ANO3: variants seen among roughly 807,000 people sequenced by gnomAD.
ANO3 encodes the protein anoctamin 3, also known as anoctamin-3.
ANO3 carries 99 observed loss-of-function variants against 144.8 expected under a neutral mutation model. That is an observed-to-expected ratio of 0.68 (90% CI 0.58 to 0.81). ANO3 has a LOEUF of 0.81. Ranked by LOEUF, ANO3 falls within the 30% of genes least tolerant of loss-of-function variation. The probability of loss-of-function intolerance (pLI) is 0.00; values close to 1 mark genes in which losing one functional copy is unlikely to be tolerated. For synonymous variants in ANO3, 414 were observed against 392.6 expected, an observed-to-expected ratio of 1.05 and a Z score of -0.64; for missense variants, 905 against 1,202.2, an observed-to-expected ratio of 0.75 and a Z score of 3.66.
intron 1 of ANO3, among the ~76,000 whole-genome samples, chr11:26,290,176 A>C (rs1853922616): frequency 6.6e-6 from 1 of 152,128 alleles, no homozygotes; most frequent in South Asian, 2.1e-4. Flanking sequence ...CATTTCTTCT[A>C]GATTTTCTAG....
chr11:26,425,756 G>A (rs1375882272), intron 1 of ANO3, among the ~76,000 whole-genome samples: 1 of 152,088 alleles, frequency 6.6e-6, no homozygotes, highest in Non-Finnish European at 1.5e-5. Context: ...GAGGGTGGTG[G>A]AAGTAAATGT....
chr11:26,633,974 A>G (rs1852867002), intron 18 of ANO3, among the ~76,000 whole-genome samples: 1 of 150,524 alleles, frequency 6.6e-6, no homozygotes, highest in Non-Finnish European at 1.5e-5. Flanking sequence ...GCTACTTGGG[A>G]GGCTGAGCCA....
At chr11:26,241,020 G>C (rs1036199654) in intron 1 of ANO3, among the ~76,000 whole-genome samples, 2 of 152,092 alleles carry the variant, frequency 1.3e-5, no homozygotes, top group Non-Finnish European at 2.9e-5. Context: ...AACCCGGTGG[G>C]AGGTAACTGA....
intron 1 of ANO3, among the ~76,000 whole-genome samples, chr11:26,283,397 A>C (rs1472733962): frequency 7.2e-6 from 1 of 139,174 alleles, no homozygotes; most frequent in Non-Finnish European, 1.5e-5. Flanking sequence ...TAGAAGGTCC[A>C]GGGGAAACGA....
intron 1 of ANO3, among the ~76,000 whole-genome samples, chr11:26,264,132 G>T (rs1304339855): frequency 6.6e-6 from 1 of 152,164 alleles, no homozygotes; most frequent in South Asian, 2.1e-4. Context: ...GGTAAGAATA[G>T]ATTTCCTGGA....
intron 1 of ANO3, among the ~76,000 whole-genome samples, chr11:26,376,465 T>G (rs12806876): frequency 0.12 from 18,782 of 152,144 alleles, 1,305 homozygotes; most frequent in Admixed American, 0.19. Context: ...TCTGAAAAAT[T>G]CATTTACCTC....
chr11:26,615,593 A>G (rs1485287788), intron 17 of ANO3, among the ~76,000 whole-genome samples: 1 of 152,026 alleles, frequency 6.6e-6, no homozygotes, highest in Non-Finnish European at 1.5e-5. Flanking sequence ...GGGATATTGA[A>G]AGACTAAATG....
intron 1 of ANO3, among the ~76,000 whole-genome samples, chr11:26,272,167 G>A (rs907750090): frequency 6.6e-6 from 1 of 151,770 alleles, no homozygotes; most frequent in Non-Finnish European, 1.5e-5. Flanking sequence ...CATATTTACT[G>A]CAATACCATA....
chr11:26,200,115 C>G (rs763017335), intron 1 of ANO3, among the ~76,000 whole-genome samples: 1 of 152,058 alleles, frequency 6.6e-6, no homozygotes, highest in Non-Finnish European at 1.5e-5. Context: ...ACCTGGGGAG[C>G]CTGAAAATGA....
chr11:26,387,214 C>T (rs999004610), intron 1 of ANO3, among the ~76,000 whole-genome samples: 17 of 149,892 alleles, frequency 1.1e-4, no homozygotes, highest in South Asian at 4.2e-4. Flanking sequence ...CCTTATGAGC[C>T]GTCCACCTCA....
intron 1 of ANO3, among the ~76,000 whole-genome samples, chr11:26,249,860 T>C (rs908701090): frequency 6.6e-6 from 1 of 152,188 alleles, no homozygotes; most frequent in African/African-American, 2.4e-5. Context: ...GTTTTTCCTA[T>C]GCAAAGTCTT....
At chr11:26,260,125 C>T (rs1026124432) in intron 1 of ANO3, among the ~76,000 whole-genome samples, 6 of 150,242 alleles carry the variant, frequency 4.0e-5, no homozygotes, top group African/African-American at 1.5e-4. Flanking sequence ...GGCCAAGATA[C>T]CCCACACAAA....
chr11:26,330,464 C>T (rs1339934744), upstream of ANO3, among the ~76,000 whole-genome samples: 5 of 152,104 alleles, frequency 3.3e-5, no homozygotes, highest in Non-Finnish European at 7.4e-5. Context: ...GCATACTGAG[C>T]TCTTATTGAA....
At chr11:26,410,982 G>A (rs1199439205) in intron 1 of ANO3, among the ~76,000 whole-genome samples, 5 of 152,050 alleles carry the variant, frequency 3.3e-5, no homozygotes, top group South Asian at 2.1e-4. Flanking sequence ...CTTCAACAGG[G>A]GGCTTATCTG....
intron 1 of ANO3, among the ~76,000 whole-genome samples, chr11:26,432,924 T>C (rs1368636616): frequency 6.6e-6 from 1 of 152,178 alleles, no homozygotes; most frequent in African/African-American, 2.4e-5. Context: ...ATAGTTTTTT[T>C]CTAATTATGT....
chr11:26,563,395 C>CTGTGTGTGTGTGTGTG lies in ANO3; in HGVS notation c.1447+3638_1447+3653dup, dbSNP rs71047867. 67 of 540,108 alleles carry CTGTGTGTGTGTGTGTG rather than the reference C, an allele frequency of 1.2e-4. No individual in the cohort carries two copies. The Admixed American group carries it at 1.9e-3, about 16-fold the overall frequency. The allele number at this position is 540,108 out of a possible 1,614,324, so 33.5% of individuals were successfully genotyped here. A position where few individuals can be genotyped will look rare whatever the true frequency, so the allele number is the denominator to read the frequency against. ...ATTAGATAATGGTGTGTTTCTCTCTCTGTGTGTGTGTGTGTGTGTGTGTGT... is the reference window on the plus strand; with the variant it reads ...ATTAGATAATGGTGTGTTTCTCTCTCTGTGTGTGTGTGTGTGTGTGTGTGTGTGTGTGTGTGTGTGT... On this transcript the variant is annotated intron_variant, in intron 14 of 26. Coordinates refer to ENST00000256737, the MANE Select transcript of ANO3 (RefSeq NM_031418.4).
At chr11:26,393,403 A>G (rs1177098550) in intron 1 of ANO3, among the ~76,000 whole-genome samples, 1 of 152,070 alleles carries the variant, frequency 6.6e-6, no homozygotes, top group Non-Finnish European at 1.5e-5. Context: ...CATGCCCTCT[A>G]TTGGAAAGGA....
intron 1 of ANO3, among the ~76,000 whole-genome samples, chr11:26,230,103 TA>T (rs539966598): frequency 6.6e-5 from 10 of 152,300 alleles, no homozygotes; most frequent in African/African-American, 2.4e-4. Context: ...TTCAGCCTTC[TA>T]AAAGAGCTGC....
At chr11:26,358,357 A>G (rs1290886296) in intron 1 of ANO3, among the ~76,000 whole-genome samples, 1 of 151,990 alleles carries the variant, frequency 6.6e-6, no homozygotes, top group Non-Finnish European at 1.5e-5. Context: ...TTTTTAGTAG[A>G]GACGGGGTTT....
Sources: allele counts gnomAD v4.1 joint callset (sites outside exome capture counted in the v4.1 genomes callset), GRCh38; gene constraint gnomAD v4.1.1; transcripts MANE v1.5; gene names NCBI Gene and HGNC (gene_info 2026-07-23, HGNC 2026-07-21).